ZNF714: variants seen among roughly 807,000 people sequenced by gnomAD.
ZNF714 encodes the protein zinc finger protein 714.
A neutral mutation model predicts 46.2 loss-of-function variants in ZNF714; 32 were observed. The observed-to-expected ratio is 0.69, with a 90% CI of 0.52 to 0.93. The LOEUF is 0.93. ZNF714 is among the 40% of genes least tolerant of loss of function. The probability of loss-of-function intolerance (pLI) is 0.00; values close to 1 mark genes in which losing one functional copy is unlikely to be tolerated. For synonymous variants in ZNF714, 199 were observed against 213.1 expected, an observed-to-expected ratio of 0.93 and a Z score of 0.58; for missense variants, 635 against 646.3, an observed-to-expected ratio of 0.98 and a Z score of 0.19.
At chr19:21,107,161 A>G (rs1435144254) in intron 4 of ZNF714, among the ~76,000 whole-genome samples, 1 of 152,130 alleles carries the variant, frequency 6.6e-6, no homozygotes, top group African/African-American at 2.4e-5. Context: ...ATTTGGAAGT[A>G]TAATACCTCT....
At chr19:21,107,965 C>T (rs1271065611) in intron 4 of ZNF714, among the ~76,000 whole-genome samples, 1 of 152,060 alleles carries the variant, frequency 6.6e-6, no homozygotes, top group Non-Finnish European at 1.5e-5. Context: ...TATTTATCAC[C>T]CATGCTGGAG....
intron 4 of ZNF714, among the ~76,000 whole-genome samples, chr19:21,099,369 G>A (rs919091228): frequency 6.6e-6 from 1 of 151,936 alleles, no homozygotes; most frequent in Non-Finnish European, 1.5e-5. Context: ...TAGTAGAGAC[G>A]GGTTTTTACC....
Position 21,117,408 on chromosome 19 carries a change from G to C in ZNF714, c.744G>C (p.Lys248Asn), listed in dbSNP as rs1415648974. Residue 248 changes from lysine (K) to asparagine (N), a missense_variant, in exon 5 of 5, where the codon AAG (lysine) becomes AAC (asparagine). Lys to Asn is a moderately conservative substitution (Grantham distance 94). Coordinates refer to ENST00000456283, the MANE Select transcript of ZNF714 (RefSeq NM_182515.4). The stretch of plus-strand genomic sequence containing the variant: ...ATTCTTCACACCTTACTACACATAA[G>C]GTAATTCATACTGGAGAGAAGCCCT... ...FYHSSHLTTH[K>N]VIHTGEKPFK... The C allele has an allele frequency of 3.3e-5, 54 of 1,613,056 alleles. No homozygotes were observed. The highest frequency in any genetic ancestry group is 4.5e-5 in the Non-Finnish European group (53 of 1,179,618).
At chr19:21,105,489 G>A (rs1969289199) in intron 4 of ZNF714, among the ~76,000 whole-genome samples, 1 of 151,978 alleles carries the variant, frequency 6.6e-6, no homozygotes, top group Non-Finnish European at 1.5e-5. Flanking sequence ...CAGAAATTCT[G>A]AAGTATAGTG....
chr19:21,105,693 G>A (rs1302946836), intron 4 of ZNF714, among the ~76,000 whole-genome samples: 1 of 152,036 alleles, frequency 6.6e-6, no homozygotes, highest in African/African-American at 2.4e-5. Flanking sequence ...AGTGGCTCAT[G>A]CCTATAATCT....
At chr19:21,088,330 C>T (rs1468812556) in intron 2 of ZNF714, among the ~76,000 whole-genome samples, 1 of 152,084 alleles carries the variant, frequency 6.6e-6, no homozygotes, top group African/African-American at 2.4e-5. Context: ...ATTTACTATA[C>T]AACATCTTTT....
At chr19:21,083,933 A>T in intron 1 of ZNF714, 45 bp from the exon 2 acceptor site, 1 of 1,075,654 alleles carries the variant, frequency 9.3e-7, no homozygotes. Flanking sequence ...TATGTCAGCT[A>T]AAGTGCCTAG....
Position 21,124,514 on chromosome 19 carries a change from A to G in ZNF714, c.*6182A>G, listed in dbSNP as rs531454720. Among the ~76,000 whole-genome samples, 7 of 152,284 alleles carry G rather than the reference A, an allele frequency of 4.6e-5. No homozygotes were observed. The highest frequency in any genetic ancestry group is 7.4e-5 in the Non-Finnish European group (5 of 68,020). On this transcript the variant is annotated 3_prime_UTR_variant, in exon 5 of 5. Coordinates refer to ENST00000456283, the MANE Select transcript of ZNF714 (RefSeq NM_182515.4). Reference sequence around the variant, plus strand: ...CTTAAAAATATTTTCTTTCAACTTGAGAAAATGTGTGCTTTTTCTGTAGAA... The same window carrying G: ...CTTAAAAATATTTTCTTTCAACTTGGGAAAATGTGTGCTTTTTCTGTAGAA...
chr19:21,123,717 AGT>A lies in ZNF714; in HGVS notation c.*5389_*5390del, dbSNP rs907815255. ...TTACATTTCCGTGCAGAATCTTTTAAGTGTGGTGGTAAAGATTGCAAAATAAT... is the reference window on the plus strand; with the variant it reads ...TTACATTTCCGTGCAGAATCTTTTAAGTGGTGGTAAAGATTGCAAAATAAT... On this transcript the variant is annotated 3_prime_UTR_variant, in exon 5 of 5. Transcript: ENST00000456283. 1.4e-4 allele frequency: 21 copies of A among 152,322 alleles called. No homozygotes were observed. Among genetic ancestry groups the A allele is most frequent in the African/African-American group, 5.1e-4 (21 of 41,566 alleles). The allele number at this position is 152,322 out of a possible 1,614,324, so 9.4% of individuals were successfully genotyped here.
At chr19:21,085,881 T>TA (rs34378470) in intron 2 of ZNF714, among the ~76,000 whole-genome samples, 99,360 of 145,356 alleles carry the variant, frequency 0.68, 36,303 homozygotes, top group East Asian at 0.84. Context: ...TAGGTTTATG[T>TA]AAAAAAAAAA....
At position 21,117,120 on chromosome 19, in the gene ZNF714, A is replaced by G. The variant is rs867310041; in HGVS notation, c.456A>G (p.Glu152=). Residue 152 remains glutamate, a synonymous_variant, in exon 5 of 5, where the codon GAA becomes GAG. Transcript: ENST00000456283. ...EKPFKCKKCD[E]SFCMLLHLHQ... ...CTTTCAAATGTAAAAAATGTGATGA[A>G]TCATTTTGCATGCTTTTACACCTAC... 3.7e-6 allele frequency: 6 copies of G among 1,613,602 alleles called. No homozygotes were observed. The African/African-American group carries it at 8.0e-5, about 22-fold the overall frequency.
chr19:21,116,439 T>C (rs1199278131), intron 4 of ZNF714, among the ~76,000 whole-genome samples: 1 of 152,196 alleles, frequency 6.6e-6, no homozygotes, highest in African/African-American at 2.4e-5. Context: ...GCCAGTATTT[T>C]ACTTGTTTAT....
intron 4 of ZNF714, among the ~76,000 whole-genome samples, chr19:21,101,084 T>C (rs1969169819): frequency 6.6e-6 from 1 of 152,234 alleles, no homozygotes; most frequent in East Asian, 1.9e-4. Context: ...AGCAACTTTT[T>C]ACTTATTTCT....
chr19:21,110,638 G>A (rs758138436), intron 4 of ZNF714, among the ~76,000 whole-genome samples: 3 of 152,090 alleles, frequency 2.0e-5, no homozygotes, highest in Admixed American at 6.6e-5. Context: ...TGCTTTTGAC[G>A]CTTTCCTCAT....
intron 2 of ZNF714, among the ~76,000 whole-genome samples, chr19:21,090,032 G>T (rs1968873692): frequency 6.6e-6 from 1 of 152,228 alleles, no homozygotes; most frequent in Non-Finnish European, 1.5e-5. Context: ...TCTGGCCATA[G>T]CAAAATATGT....
chr19:21,117,230 C>T lies in ZNF714; in HGVS notation c.566C>T (p.Thr189Ile), dbSNP rs745845699. Residue 189 changes from threonine (T) to isoleucine (I), a missense_variant, in exon 5 of 5, where the codon ACT becomes ATT. Coordinates refer to ENST00000456283, the MANE Select transcript of ZNF714 (RefSeq NM_182515.4). Reference sequence around the variant, plus strand: ...GTGTTTAAGCGGTTCTCAACCCTTACTAGACACAAGAGAGTTCATACTGGA... The same window carrying T: ...GTGTTTAAGCGGTTCTCAACCCTTATTAGACACAAGAGAGTTCATACTGGA... Reference protein sequence around the residue: ...DKVFKRFSTLTRHKRVHTGEK... With the variant: ...DKVFKRFSTLIRHKRVHTGEK... 6.2e-7 allele frequency: 1 copy of T among 1,614,010 alleles called. No individual in the cohort carries two copies. The highest frequency in any genetic ancestry group is 1.1e-5 in the South Asian group (1 of 91,066).
Position 21,120,841 on chromosome 19 carries a change from T to C in ZNF714, c.*2509T>C, listed in dbSNP as rs1483183889. On this transcript the variant is annotated 3_prime_UTR_variant, in exon 5 of 5. Coordinates refer to ENST00000456283, the MANE Select transcript of ZNF714 (RefSeq NM_182515.4). ...TTCTGTAGGTTAAATTTTTATTTTG[T>C]TTTTAATCATTTAAATTTAATTTTG... 1 of 152,186 alleles carries C rather than the reference T, an allele frequency of 6.6e-6. No individual in the cohort carries two copies. The highest frequency in any genetic ancestry group is 1.5e-5 in the Non-Finnish European group (1 of 68,034). 9.4% of individuals were successfully genotyped at this position (152,186 alleles called of 1,614,324 possible).
chr19:21,103,969 CT>C (rs1160440661), intron 4 of ZNF714, among the ~76,000 whole-genome samples: 2 of 149,212 alleles, frequency 1.3e-5, no homozygotes, highest in South Asian at 2.1e-4. Context: ...AATTTTACAT[CT>C]TGTGAAACTA....
intron 2 of ZNF714, among the ~76,000 whole-genome samples, chr19:21,096,413 T>G (rs1251799270): frequency 2.0e-5 from 3 of 152,144 alleles, no homozygotes; most frequent in African/African-American, 7.2e-5. Context: ...AAATGCTTCT[T>G]TTCAGCTAAA....
Sources: gnomAD v4.1 joint callset for allele counts (sites outside exome capture counted in the v4.1 genomes callset) on GRCh38, gnomAD v4.1.1 for gene constraint, MANE v1.5 for transcripts, NCBI Gene and HGNC (gene_info 2026-07-23, HGNC 2026-07-21) for gene names.